The following FAF1 variants were observed in gnomAD, a reference collection of about 807,000 sequenced individuals.
FAF1 encodes the protein FAS-associated factor 1.
In FAF1, 25 loss-of-function variants were observed where a neutral mutation model predicts 92.5. The observed-to-expected ratio is 0.27, with a 90% confidence interval of 0.20 to 0.38. FAF1 has a LOEUF of 0.38. Ranked by LOEUF, FAF1 falls within the 10% of genes least tolerant of loss-of-function variation. FAF1 has a pLI of 1.00. For synonymous variants in FAF1, 234 were observed against 273.2 expected, an observed-to-expected ratio of 0.86 and a Z score of 1.42; for missense variants, 636 against 793.3, an observed-to-expected ratio of 0.80 and a Z score of 2.38.
intron 7 of FAF1, among the ~76,000 whole-genome samples, chr1:50,696,501 G>A (rs1657232249): frequency 6.6e-6 from 1 of 152,218 alleles, no homozygotes; most frequent in Middle Eastern, 3.4e-3. Context: ...TAAACTTTGT[G>A]GGTATTTGAC....
intron 8 of FAF1, among the ~76,000 whole-genome samples, chr1:50,609,330 C>T (rs1652586625): frequency 6.6e-6 from 1 of 152,172 alleles, no homozygotes; most frequent in African/African-American, 2.4e-5. Context: ...CTCATATTTT[C>T]ACCCAGGGTC....
chr1:50,819,803 A>G (rs12121576), intron 2 of FAF1, among the ~76,000 whole-genome samples: 8,082 of 98,868 alleles, frequency 0.082, 685 homozygotes, highest in South Asian at 0.14. Context: ...ATATATATAC[A>G]TATATATATA....
intron 15 of FAF1, among the ~76,000 whole-genome samples, chr1:50,497,788 T>G (rs1163010299): frequency 6.6e-6 from 1 of 151,952 alleles, no homozygotes; most frequent in African/African-American, 2.4e-5. Context: ...GGGCTCGTGA[T>G]CCACCTGCCT....
In FAF1 at chr1:50,655,463, T is replaced by C; in HGVS notation, c.723A>G (p.Pro241=). Residue 241 remains proline (P), a synonymous_variant, in exon 8 of 19, where the codon CCA becomes CCG. Transcript: ENST00000396153. Reference sequence around the variant, plus strand: ...TTACTGAGTCGTCTGTAGCAGAAGTTGGCCAGCCCTCCCATAATTGGTGGC... The same window carrying C: ...TTACTGAGTCGTCTGTAGCAGAAGTCGGCCAGCCCTCCCATAATTGGTGGC... The part of the protein sequence containing the change: ...PVRHQLWEGW[P]TSATDDSMCL... 6.2e-7 allele frequency: 1 copy of C among 1,613,600 alleles called. No individual in the cohort carries two copies. Among genetic ancestry groups the C allele is most frequent in the South Asian group, 1.1e-5 (1 of 91,078 alleles).
Position 50,650,210 on chromosome 1 carries a change from G to A in FAF1, c.744+5232C>T, listed in dbSNP as rs1654794025. 2.7e-5 allele frequency among the ~76,000 whole-genome samples: 4 copies of A among 148,960 alleles called. No individual in the cohort carries two copies. In the South Asian group the frequency reaches 8.4e-4, roughly 31 times the overall value. ...GAGGCAGGAGAATCGTTTGAATCCG[G>A]AAAGCAGAGGCTGCGGTGAGCCGGG... On this transcript the variant is annotated intron_variant, in intron 8 of 18. Transcript: ENST00000396153.
At chr1:50,789,786 G>A (rs549647924) in intron 3 of FAF1, among the ~76,000 whole-genome samples, 1 of 152,116 alleles carries the variant, frequency 6.6e-6, no homozygotes, top group South Asian at 2.1e-4. Context: ...GGCGTATGAG[G>A]CCCTGTATGA....
intron 8 of FAF1, among the ~76,000 whole-genome samples, chr1:50,614,217 C>G (rs959849550): frequency 6.6e-6 from 1 of 152,138 alleles, no homozygotes; most frequent in Non-Finnish European, 1.5e-5. Flanking sequence ...ATTCCCAAGA[C>G]AAGCATGTAT....
intron 1 of FAF1, among the ~76,000 whole-genome samples, chr1:50,921,178 G>A (rs1644959868): frequency 6.6e-6 from 1 of 152,170 alleles, no homozygotes; most frequent in Non-Finnish European, 1.5e-5. Flanking sequence ...GGCCCACCCT[G>A]CCCACAACCG....
intron 6 of FAF1, among the ~76,000 whole-genome samples, chr1:50,708,713 C>A (rs1278731614): frequency 6.6e-6 from 1 of 151,954 alleles, no homozygotes; most frequent in Non-Finnish European, 1.5e-5. Flanking sequence ...CATTTGAAAT[C>A]AAGCAGAGGA....
At chr1:50,747,920 C>T (rs1659692963) in intron 4 of FAF1, among the ~76,000 whole-genome samples, 1 of 152,170 alleles carries the variant, frequency 6.6e-6, no homozygotes, top group African/African-American at 2.4e-5. Context: ...TCTGCTCCTG[C>T]TTTGCCTTCC....
intron 1 of FAF1, among the ~76,000 whole-genome samples, chr1:50,949,315 G>A (rs187665427): frequency 6.6e-6 from 1 of 152,338 alleles, no homozygotes; most frequent in Admixed American, 6.5e-5. Flanking sequence ...TTTAAATCAG[G>A]ATTCTCCAAT....
intron 12 of FAF1, among the ~76,000 whole-genome samples, chr1:50,578,244 G>C (rs1650842953): frequency 6.6e-6 from 1 of 152,094 alleles, no homozygotes; most frequent in East Asian, 1.9e-4. Flanking sequence ...CTGTTGCCCT[G>C]GTAAAATTAA....
chr1:50,535,194 TA>T (rs1008125179), intron 15 of FAF1, among the ~76,000 whole-genome samples, 174 bp downstream of exon 15: 5 of 152,134 alleles, frequency 3.3e-5, no homozygotes, highest in Non-Finnish European at 7.4e-5. Flanking sequence ...CTTGGGGTCA[TA>T]AAAAGAATGG....
intron 4 of FAF1, among the ~76,000 whole-genome samples, chr1:50,774,678 G>C (rs549206397): frequency 6.6e-6 from 1 of 152,054 alleles, no homozygotes; most frequent in African/African-American, 2.4e-5. Flanking sequence ...AATTAGGTTT[G>C]TTAACAGCAC....
At chr1:50,479,720 G>A (rs1050141312) in intron 17 of FAF1, among the ~76,000 whole-genome samples, 7 of 152,080 alleles carry the variant, frequency 4.6e-5, no homozygotes, top group African/African-American at 7.2e-5. Context: ...ACAGTAGCTC[G>A]TTACTTCATT....
At chr1:50,956,646 A>G (rs1645269220) in intron 1 of FAF1, among the ~76,000 whole-genome samples, 1 of 152,210 alleles carries the variant, frequency 6.6e-6, no homozygotes, top group African/African-American at 2.4e-5. Context: ...TTAAGCTGCA[A>G]TCCTTAAATT....
intron 18 of FAF1, among the ~76,000 whole-genome samples, chr1:50,472,408 CACACACACACACACAA>C: frequency 6.7e-6 from 1 of 149,766 alleles, no homozygotes; most frequent in Admixed American, 6.7e-5. Context: ...CACACACACA[CACACACACACACACAA>C]ACCCCAAAAC....
intron 7 of FAF1, among the ~76,000 whole-genome samples, chr1:50,666,192 G>A (rs559460497): frequency 6.6e-6 from 1 of 152,028 alleles, no homozygotes; most frequent in African/African-American, 2.4e-5. Context: ...GGGATTACAG[G>A]CATAAGCAAC....
intron 7 of FAF1, among the ~76,000 whole-genome samples, chr1:50,668,565 C>G (rs570009606): frequency 4.6e-5 from 7 of 152,288 alleles, no homozygotes; most frequent in African/African-American, 1.7e-4. Flanking sequence ...TAGGTGAATA[C>G]AGTAGAGTTG....
Sources: allele counts gnomAD v4.1 joint callset (sites outside exome capture counted in the v4.1 genomes callset), GRCh38; gene constraint gnomAD v4.1.1; transcripts MANE v1.5; gene names NCBI Gene and HGNC (gene_info 2026-07-23, HGNC 2026-07-21).